Variants in ADGRL3 observed in about 807,000 individuals in gnomAD.
ADGRL3 encodes adhesion G protein-coupled receptor L3.
In ADGRL3, 62 loss-of-function variants were observed where a neutral mutation model predicts 153.5. That is an observed-to-expected ratio of 0.40 (90% CI 0.33 to 0.50). The LOEUF is 0.50. Ranked by LOEUF, ADGRL3 falls within the 20% of genes least tolerant of loss-of-function variation. The pLI is 0.47. For missense variants in ADGRL3, 1,641 were observed against 1,859.4 expected (o/e 0.88, Z 2.16); for synonymous variants, 710 against 672.5 (o/e 1.06, Z -0.86).
intron 4 of ADGRL3, among the ~76,000 whole-genome samples, chr4:61,569,635 C>A (rs1560858859): frequency 1.3e-5 from 2 of 152,182 alleles, no homozygotes; most frequent in Admixed American, 6.5e-5. Flanking sequence ...AACTCTACAT[C>A]TTTGATTATT....
intron 17 of ADGRL3, among the ~76,000 whole-genome samples, chr4:61,969,816 T>C (rs1162930813): frequency 1.3e-5 from 2 of 152,250 alleles, no homozygotes; most frequent in East Asian, 3.9e-4. Context: ...CAGGAGCCAT[T>C]AAGAAAAATG....
At chr4:61,644,686 G>C (rs1459782431) in intron 5 of ADGRL3, among the ~76,000 whole-genome samples, 1 of 152,126 alleles carries the variant, frequency 6.6e-6, no homozygotes, top group Non-Finnish European at 1.5e-5. Context: ...TACATTTGCT[G>C]AGAAGAGCTT....
chr4:61,744,396 G>A (rs531196513), intron 8 of ADGRL3, among the ~76,000 whole-genome samples: 50 of 152,266 alleles, frequency 3.3e-4, no homozygotes, highest in Admixed American at 1.8e-3. Flanking sequence ...ATCTGAGAAC[G>A]GGCAGACTGC....
intron 21 of ADGRL3, among the ~76,000 whole-genome samples, chr4:62,017,585 T>G (rs930671419): frequency 9.9e-5 from 15 of 152,158 alleles, no homozygotes; most frequent in African/African-American, 3.6e-4. Context: ...GGCTTTTAAC[T>G]AAGTTCTGAA....
chr4:62,069,152 A>T (rs1391519115), intron 26 of ADGRL3, among the ~76,000 whole-genome samples: 5 of 152,140 alleles, frequency 3.3e-5, no homozygotes, highest in African/African-American at 1.2e-4. Flanking sequence ...ACCTTGAAGA[A>T]ATATGTGGTC....
chr4:61,762,038 A>C (rs1290792297), intron 8 of ADGRL3, among the ~76,000 whole-genome samples: 1 of 152,228 alleles, frequency 6.6e-6, no homozygotes, highest in Non-Finnish European at 1.5e-5. Flanking sequence ...AAGATAGAGC[A>C]ATTTTGGCCT....
At chr4:61,473,246 C>CT (rs1337761562) in intron 2 of ADGRL3, among the ~76,000 whole-genome samples, 3 of 147,756 alleles carry the variant, frequency 2.0e-5, no homozygotes. Context: ...TGTGTGTGGT[C>CT]TTTTTTTTAA....
At chr4:61,347,313 C>A (rs550642945) in intron 1 of ADGRL3, among the ~76,000 whole-genome samples, 1 of 150,590 alleles carries the variant, frequency 6.6e-6, no homozygotes, top group African/African-American at 2.4e-5. Context: ...AAATTTGATT[C>A]CCCCCAGCGA....
chr4:61,216,686 A>G (rs1375534282), intron 1 of ADGRL3, among the ~76,000 whole-genome samples: 3 of 152,204 alleles, frequency 2.0e-5, no homozygotes, highest in Admixed American at 6.5e-5. Flanking sequence ...ATATATATGC[A>G]TGAATGAAAA....
chr4:61,998,184 T>A lies in ADGRL3; in HGVS notation c.3314T>A (p.Ile1105Asn), dbSNP rs373309150. The stretch of plus-strand genomic sequence containing the variant: ...CCTTTTGCATTCCAGCTTAATGTAA[T>A]CTTCCTTGGGATTGCTTTATATAAA... ...PATLIIMLNV[I>N]FLGIALYKMF... Residue 1105 changes from isoleucine (I) to asparagine (N), a missense_variant, in exon 21 of 27, where the codon ATC (isoleucine) becomes AAC (asparagine). Transcript: ENST00000683033. 1.3e-6 allele frequency: 2 copies of A among 1,566,268 alleles called. No homozygotes were observed. The highest frequency in any genetic ancestry group is 2.7e-5 in the African/African-American group (2 of 72,866).
intron 1 of ADGRL3, among the ~76,000 whole-genome samples, chr4:61,312,347 AG>A (rs1221616412): frequency 6.6e-6 from 1 of 152,202 alleles, no homozygotes; most frequent in South Asian, 2.1e-4. Context: ...GAGAAAATCT[AG>A]GTGACCTTGA....
chr4:61,507,243 T>TA (rs1418694716), intron 3 of ADGRL3, among the ~76,000 whole-genome samples: 2 of 152,190 alleles, frequency 1.3e-5, no homozygotes, highest in Non-Finnish European at 2.9e-5. Context: ...AACAGGCTGG[T>TA]ATGATGCTCT....
chr4:62,023,157 C>T (rs58512622), intron 21 of ADGRL3, among the ~76,000 whole-genome samples: 25 of 151,980 alleles, frequency 1.6e-4, no homozygotes, highest in Admixed American at 1.6e-3. Flanking sequence ...TGAGTCCAAC[C>T]CTTGTGGGTG....
intron 5 of ADGRL3, among the ~76,000 whole-genome samples, chr4:61,618,716 G>A (rs139323369): frequency 0.012 from 1,856 of 152,140 alleles, 42 homozygotes; most frequent in African/African-American, 0.042. Context: ...TTCCTTGTTC[G>A]TTTGTTTGTT....
At chr4:61,598,462 C>A (rs6823090) in intron 5 of ADGRL3, among the ~76,000 whole-genome samples, 1 of 152,200 alleles carries the variant, frequency 6.6e-6, no homozygotes, top group South Asian at 2.1e-4. Flanking sequence ...CAGCAACAAA[C>A]AACAAAAAGA....
At chr4:61,355,236 G>A (rs2096140951) in intron 1 of ADGRL3, among the ~76,000 whole-genome samples, 1 of 151,990 alleles carries the variant, frequency 6.6e-6, no homozygotes, top group South Asian at 2.1e-4. Context: ...TATTTTAACA[G>A]CTCCCACATC....
chr4:61,994,171 A>G (rs1510918), intron 19 of ADGRL3, among the ~76,000 whole-genome samples: 62,779 of 152,032 alleles, frequency 0.41, 13,613 homozygotes, highest in East Asian at 0.78. Flanking sequence ...TGTTTGAGAC[A>G]AAGCCTCACT....
At chr4:62,006,602 G>A (rs1270916023) in intron 21 of ADGRL3, among the ~76,000 whole-genome samples, 1 of 140,588 alleles carries the variant, frequency 7.1e-6, no homozygotes, top group Non-Finnish European at 1.5e-5. Context: ...TTTGCATTTA[G>A]TGTTACTTAT....
chr4:61,985,280 A>C (rs1581748872), intron 19 of ADGRL3, among the ~76,000 whole-genome samples: 2 of 151,988 alleles, frequency 1.3e-5, no homozygotes, highest in Non-Finnish European at 2.9e-5. Flanking sequence ...AAATTGTAAA[A>C]TGACCTCACT....
Sources: gnomAD v4.1 joint callset for allele counts (sites outside exome capture counted in the v4.1 genomes callset) on GRCh38, gnomAD v4.1.1 for gene constraint, MANE v1.5 for transcripts, NCBI Gene and HGNC (gene_info 2026-07-23, HGNC 2026-07-21) for gene names.